LRP1B: variants seen among roughly 807,000 people sequenced by gnomAD.
LRP1B encodes LDL receptor related protein 1B, also known as low-density lipoprotein receptor-related protein 1B.
In LRP1B, 217 loss-of-function variants were observed where a neutral mutation model predicts 556.6. The ratio of observed to expected loss-of-function variants is 0.39; its 90% CI spans 0.35 to 0.44. LRP1B has a LOEUF of 0.44. LRP1B is among the 20% of genes least tolerant of loss of function. The pLI, the probability that LRP1B is intolerant of heterozygous loss-of-function variation, is 1.00. For synonymous variants in LRP1B, 2,047 were observed against 1,865.8 expected (o/e 1.10, Z -2.50); for missense variants, 5,053 against 5,620.8 (o/e 0.90, Z 3.23).
At chr2:141,821,471 A>G (rs1199029063) in intron 1 of LRP1B, among the ~76,000 whole-genome samples, 1 of 152,164 alleles carries the variant, frequency 6.6e-6, no homozygotes, top group African/African-American at 2.4e-5. Flanking sequence ...GTCCCAATAC[A>G]CTGGCACAGG....
At chr2:140,761,275 C>T (rs974498603) in intron 35 of LRP1B, among the ~76,000 whole-genome samples, 1 of 152,136 alleles carries the variant, frequency 6.6e-6, no homozygotes. Flanking sequence ...ATATTTCAAA[C>T]CTGCCATCCG....
intron 1 of LRP1B, among the ~76,000 whole-genome samples, chr2:142,086,189 A>G (rs1350310864): frequency 6.6e-6 from 1 of 152,144 alleles, no homozygotes; most frequent in Non-Finnish European, 1.5e-5. Flanking sequence ...CTATTAGTCA[A>G]CCTTTTCACA....
chr2:141,894,415 G>A (rs1465188748), intron 1 of LRP1B, among the ~76,000 whole-genome samples: 1 of 151,456 alleles, frequency 6.6e-6, no homozygotes, highest in Admixed American at 6.6e-5. Context: ...TGGGCTACCA[G>A]GTGATCCCAC....
At chr2:140,255,051 C>T (rs1681616665) in intron 86 of LRP1B, among the ~76,000 whole-genome samples, 2 of 152,042 alleles carry the variant, frequency 1.3e-5, no homozygotes, top group Non-Finnish European at 2.9e-5. Flanking sequence ...TTGAAATAAA[C>T]TGAGATAAAA....
rs182023030 is a variant in LRP1B at position 140,348,058 on chromosome 2, T to C, written c.11892+2739A>G. Among the ~76,000 whole-genome samples, 4 of 152,152 alleles carry C rather than the reference T, an allele frequency of 2.6e-5. No individual in the cohort carries two copies. The East Asian group carries it at 5.8e-4, about 22-fold the overall frequency. On this transcript the variant is annotated intron_variant, in intron 77 of 90. Transcript: ENST00000389484. The stretch of plus-strand genomic sequence containing the variant: ...TGTCCAGATAATAATTAGATAGATA[T>C]ATGACATGTCATACATCTTTTGGAA...
intron 11 of LRP1B, among the ~76,000 whole-genome samples, chr2:141,033,999 G>A (rs1223127371): frequency 1.3e-5 from 2 of 152,094 alleles, no homozygotes; most frequent in African/African-American, 4.8e-5. Context: ...TATACTTAAA[G>A]TAGCTGGGAT....
At chr2:141,048,268 G>T (rs1225393110) in intron 11 of LRP1B, among the ~76,000 whole-genome samples, 2 of 151,950 alleles carry the variant, frequency 1.3e-5, no homozygotes, top group African/African-American at 4.8e-5. Context: ...AAAATGACTG[G>T]CAGCCAGTGA....
chr2:140,238,805 G>A (rs1426041747), intron 88 of LRP1B, among the ~76,000 whole-genome samples: 1 of 150,658 alleles, frequency 6.6e-6, no homozygotes, highest in African/African-American at 2.4e-5. Flanking sequence ...GTACCCATTA[G>A]GTAATTTCTC....
chr2:141,900,972 C>G (rs1699601914), intron 1 of LRP1B, among the ~76,000 whole-genome samples: 1 of 151,906 alleles, frequency 6.6e-6, no homozygotes, highest in Admixed American at 6.6e-5. Flanking sequence ...CTTTTGGCAG[C>G]TTCTTGACTT....
chr2:140,497,796 TATATGAA>T (rs1228221187), intron 55 of LRP1B, among the ~76,000 whole-genome samples: 2 of 151,912 alleles, frequency 1.3e-5, no homozygotes, highest in Non-Finnish European at 2.9e-5. Context: ...GAAGAAGTAC[TATATGAA>T]ATAGATGGCT....
intron 31 of LRP1B, among the ~76,000 whole-genome samples, chr2:140,815,885 G>C (rs1304922041): frequency 7.4e-6 from 1 of 135,126 alleles, no homozygotes; most frequent in Non-Finnish European, 1.6e-5. Context: ...TTTTTTTTTG[G>C]ATCTGAGTTC....
chr2:141,308,066 T>C, intron 3 of LRP1B, among the ~76,000 whole-genome samples: 1 of 152,132 alleles, frequency 6.6e-6, no homozygotes, highest in East Asian at 1.9e-4. Context: ...AGTGCTTATG[T>C]GCCAACACTG....
chr2:141,649,800 T>C (rs1422664735), intron 2 of LRP1B, among the ~76,000 whole-genome samples: 2 of 152,116 alleles, frequency 1.3e-5, no homozygotes, highest in Non-Finnish European at 2.9e-5. Flanking sequence ...GACCAGAAAA[T>C]TTAACCTGAA....
chr2:140,846,297 C>T (rs1375517956), intron 29 of LRP1B, among the ~76,000 whole-genome samples: 1 of 152,132 alleles, frequency 6.6e-6, no homozygotes, highest in Non-Finnish European at 1.5e-5. Context: ...GCAATATATA[C>T]ATTAAGAACA....
At chr2:141,700,297 G>A (rs905554453) in intron 2 of LRP1B, among the ~76,000 whole-genome samples, 2 of 151,782 alleles carry the variant, frequency 1.3e-5, no homozygotes, top group South Asian at 2.1e-4. Context: ...TAAACTCCAT[G>A]AGAGCAGGTG....
intron 3 of LRP1B, among the ~76,000 whole-genome samples, chr2:141,428,476 G>T (rs1168876888): frequency 5.9e-5 from 9 of 152,134 alleles, no homozygotes; most frequent in Non-Finnish European, 1.2e-4. Flanking sequence ...TTAAATTTCT[G>T]GGTCTTCCTA....
At chr2:140,644,340 G>A (rs1386387852) in intron 41 of LRP1B, among the ~76,000 whole-genome samples, 2 of 151,048 alleles carry the variant, frequency 1.3e-5, no homozygotes, top group African/African-American at 4.9e-5. Flanking sequence ...ATGGCTTTAT[G>A]TTAATATTTG....
At chr2:141,788,758 A>G (rs1695509439) in intron 2 of LRP1B, among the ~76,000 whole-genome samples, 1 of 135,722 alleles carries the variant, frequency 7.4e-6, no homozygotes, top group African/African-American at 2.8e-5. Context: ...CTCACTGTTC[A>G]ATTCCCACCT....
intron 1 of LRP1B, among the ~76,000 whole-genome samples, chr2:142,019,295 T>A (rs1483739793): frequency 6.6e-6 from 1 of 152,194 alleles, no homozygotes; most frequent in African/African-American, 2.4e-5. Flanking sequence ...CCTACGTTAG[T>A]TCAGTAGTTT....
Sources: gnomAD v4.1 joint callset for allele counts (sites outside exome capture counted in the v4.1 genomes callset) on GRCh38, gnomAD v4.1.1 for gene constraint, MANE v1.5 for transcripts, NCBI Gene and HGNC (gene_info 2026-07-23, HGNC 2026-07-21) for gene names.